Variants in CPAP observed in about 807,000 individuals in gnomAD.
CPAP encodes the protein centrosome assembly and centriole elongation protein.
chr13:24,914,773 C>T, the CPAP span, among the ~76,000 whole-genome samples: 1 of 151,960 alleles, frequency 6.6e-6, no homozygotes, highest in African/African-American at 2.4e-5. Context: ...AAAACCCTGT[C>T]TCAAAAAATA....
the CPAP span, among the ~76,000 whole-genome samples, chr13:24,890,685 G>A: frequency 1.3e-5 from 2 of 152,144 alleles, no homozygotes; most frequent in African/African-American, 2.4e-5. Context: ...TATTCCCCCA[G>A]CCTCTGCTTT....
chr13:24,915,033 C>A, the CPAP span, among the ~76,000 whole-genome samples: 1 of 151,814 alleles, frequency 6.6e-6, no homozygotes, highest in Non-Finnish European at 1.5e-5. Context: ...CAAGATCACA[C>A]CACTGCACTC....
the CPAP span, among the ~76,000 whole-genome samples, chr13:24,914,711 G>C: frequency 2.0e-5 from 3 of 152,184 alleles, no homozygotes; most frequent in East Asian, 5.8e-4. Flanking sequence ...AGGAGGTCGA[G>C]GCTGCTGTAA....
the CPAP span, among the ~76,000 whole-genome samples, chr13:24,927,120 G>A: frequency 6.6e-6 from 1 of 152,112 alleles, no homozygotes; most frequent in Non-Finnish European, 1.5e-5. Context: ...GTCACGATTT[G>A]GAGGGAAGAA....
the CPAP span, among the ~76,000 whole-genome samples, chr13:24,926,764 T>C: frequency 6.6e-6 from 1 of 152,168 alleles, no homozygotes; most frequent in Admixed American, 6.5e-5. Flanking sequence ...TGCCCTGTGA[T>C]GCAAGATCAA....
chr13:24,925,712 GAA>G, the CPAP span: 1 of 152,550 alleles, frequency 6.6e-6, no homozygotes, highest in African/African-American at 2.4e-5. Context: ...CAGACCTTCT[GAA>G]AAGTCGGAAG....
chr13:24,885,391 A>G, the CPAP span: 1 of 1,590,786 alleles, frequency 6.3e-7, no homozygotes, highest in Non-Finnish European at 8.6e-7. Context: ...GGCAGCCTGT[A>G]AGCACAACAC....
At chr13:24,905,709 C>G in the CPAP span, 5 of 1,614,168 alleles carry the variant, frequency 3.1e-6, no homozygotes, top group Non-Finnish European at 4.2e-6. Context: ...GGCTCAGACA[C>G]TTTATGTTTT....
chr13:24,884,788 C>T, the CPAP span, among the ~76,000 whole-genome samples: 6 of 152,188 alleles, frequency 3.9e-5, no homozygotes, highest in Admixed American at 3.9e-4. Context: ...GGATAGCACT[C>T]CAACCCTATA....
the CPAP span, among the ~76,000 whole-genome samples, chr13:24,902,626 A>T: frequency 6.6e-6 from 1 of 152,208 alleles, no homozygotes; most frequent in African/African-American, 2.4e-5. Flanking sequence ...CAGGTTTTAG[A>T]AAAGAAATAC....
At chr13:24,889,907 T>C in the CPAP span, among the ~76,000 whole-genome samples, 1 of 151,986 alleles carries the variant, frequency 6.6e-6, no homozygotes, top group Non-Finnish European at 1.5e-5. Flanking sequence ...GCCATGTCCG[T>C]CCCTGCCAGG....
the CPAP span, among the ~76,000 whole-genome samples, chr13:24,932,175 C>A: frequency 6.6e-6 from 1 of 152,144 alleles, no homozygotes; most frequent in African/African-American, 2.4e-5. Flanking sequence ...GAACAGCGAC[C>A]CCCAAACCGA....
chr13:24,921,090 G>A, the CPAP span, among the ~76,000 whole-genome samples: 2 of 152,200 alleles, frequency 1.3e-5, no homozygotes, highest in Non-Finnish European at 2.9e-5. Flanking sequence ...AAGAAGTCAA[G>A]AGGGAAAGGC....
the CPAP span, chr13:24,906,588 G>A: frequency 6.2e-7 from 1 of 1,614,148 alleles, no homozygotes; most frequent in Admixed American, 1.7e-5. Context: ...TCTCTAAACT[G>A]CCCATCACAT....
the CPAP span, among the ~76,000 whole-genome samples, chr13:24,897,509 G>A: frequency 6.6e-6 from 1 of 152,092 alleles, no homozygotes; most frequent in Non-Finnish European, 1.5e-5. Context: ...TCACATATGC[G>A]CAGTTATTCA....
chr13:24,895,236 C>T, the CPAP span, among the ~76,000 whole-genome samples: 1 of 152,260 alleles, frequency 6.6e-6, no homozygotes, highest in Admixed American at 6.5e-5. Context: ...CGGAGGAGCC[C>T]GGCTCCTTGC....
At chr13:24,891,432 G>T in the CPAP span, among the ~76,000 whole-genome samples, 1 of 152,118 alleles carries the variant, frequency 6.6e-6, no homozygotes, top group African/African-American at 2.4e-5. Flanking sequence ...AACTTCCCCT[G>T]TCCAAGCCTG....
chr13:24,909,830 T>C, the CPAP span: 1 of 1,613,598 alleles, frequency 6.2e-7, no homozygotes, highest in Non-Finnish European at 8.5e-7. Context: ...AATTATTTTT[T>C]TCCACAGGTG....
the CPAP span, among the ~76,000 whole-genome samples, chr13:24,921,352 T>C: frequency 1.4e-5 from 1 of 71,178 alleles, no homozygotes; most frequent in Non-Finnish European, 3.2e-5. Context: ...AACCTCCAGC[T>C]TTCTCTTTGT....
Sources: gnomAD v4.1 joint callset for allele counts (sites outside exome capture counted in the v4.1 genomes callset) on GRCh38, gnomAD v4.1.1 for gene constraint, MANE v1.5 for transcripts, NCBI Gene and HGNC (gene_info 2026-07-23, HGNC 2026-07-21) for gene names.